HERC1: variants seen among roughly 807,000 people sequenced by gnomAD.
HERC1 encodes probable E3 ubiquitin-protein ligase HERC1.
A neutral mutation model predicts 554.3 loss-of-function variants in HERC1; 160 were observed. The observed-to-expected ratio is 0.29, with a 90% CI of 0.25 to 0.33. HERC1 has a LOEUF of 0.33. Ranked by LOEUF, HERC1 falls within the 10% of genes least tolerant of loss-of-function variation. The probability of loss-of-function intolerance (pLI) is 1.00; values close to 1 mark genes in which losing one functional copy is unlikely to be tolerated. For missense variants in HERC1, 4,919 were observed against 5,918.5 expected (o/e 0.83, Z 5.54); for synonymous variants, 2,175 against 2,131.7 (o/e 1.02, Z -0.56).
intron 3 of HERC1, among the ~76,000 whole-genome samples, chr15:63,759,718 C>T (rs2075545917): frequency 6.6e-6 from 1 of 152,146 alleles, no homozygotes. Context: ...AATTTGTTTT[C>T]TGCCTTTTAG....
intron 3 of HERC1, among the ~76,000 whole-genome samples, chr15:63,763,609 G>C (rs780131457): frequency 6.6e-6 from 1 of 150,880 alleles, no homozygotes; most frequent in South Asian, 2.1e-4. Context: ...CAAGACTATA[G>C]TGTCTAAGGA....
chr15:63,643,463 C>A lies in HERC1; in HGVS notation c.11272G>T (p.Asp3758Tyr), dbSNP rs758410024. 1 of 1,613,276 alleles carries A rather than the reference C, an allele frequency of 6.2e-7. No individual in the cohort carries two copies. Among genetic ancestry groups the A allele is most frequent in the Non-Finnish European group, 8.5e-7 (1 of 1,179,534 alleles). ...CCACCAGACACCAGGGCCAACCCATCAGAACTAAAGGCAACAGTCCGAACA... is the reference window on the plus strand; with the variant it reads ...CCACCAGACACCAGGGCCAACCCATAAGAACTAAAGGCAACAGTCCGAACA... ...TPVRTVAFSS[D>Y]GLALVSGGLG... Residue 3758 changes from aspartate to tyrosine, a missense_variant, in exon 58 of 78, where the codon GAT becomes TAT. Around this residue, in one of 11 missense-constraint regions of HERC1, gnomAD observed 1,963 missense variants for 2,228.6 expected, o/e 0.88. Coordinates refer to ENST00000443617, the MANE Select transcript of HERC1 (RefSeq NM_003922.4).
chr15:63,674,059 C>G (rs2071073868), intron 38 of HERC1, among the ~76,000 whole-genome samples: 1 of 152,014 alleles, frequency 6.6e-6, no homozygotes, highest in Admixed American at 6.6e-5. Context: ...TCAATAAATA[C>G]TTTTTTTGGT....
intron 8 of HERC1, among the ~76,000 whole-genome samples, chr15:63,750,190 A>G (rs1314828649): frequency 2.0e-5 from 3 of 152,238 alleles, no homozygotes; most frequent in Non-Finnish European, 2.9e-5. Flanking sequence ...AGGTATTATC[A>G]TATAAAATGG....
At chr15:63,613,725 T>C (rs1464735280) in intron 76 of HERC1, among the ~76,000 whole-genome samples, 2 of 151,976 alleles carry the variant, frequency 1.3e-5, no homozygotes, top group African/African-American at 2.4e-5. Context: ...TCCCAGCTAC[T>C]TGGAAGGCTA....
intron 36 of HERC1, 97 bp downstream of exon 36, chr15:63,679,980 A>T: frequency 1.3e-6 from 1 of 790,698 alleles, no homozygotes. Context: ...AGTACTTTTA[A>T]TGGCAGAAGA....
rs868493495 is a variant in HERC1, at chr15:63,734,937, G to A, written c.2521-88C>T. ...TTAAAGCGAACTCACTGACTACTAGGATCATGTAAGTCTAAAAAAGATGGC... is the reference window on the plus strand; with the variant it reads ...TTAAAGCGAACTCACTGACTACTAGAATCATGTAAGTCTAAAAAAGATGGC... On this transcript the variant is annotated intron_variant, in intron 12 of 77. Coordinates refer to ENST00000443617, the MANE Select transcript of HERC1 (RefSeq NM_003922.4). This position sits in a 1 kb window ranked among gnomAD's most constrained non-coding sequence, Gnocchi z 4.6. 1.8e-6 allele frequency: 2 copies of A among 1,087,280 alleles called. No individual in the cohort carries two copies. The highest frequency in any genetic ancestry group is 2.6e-6 in the Non-Finnish European group (2 of 761,556). The allele number at this position is 1,087,280 out of a possible 1,614,324, so 67.4% of individuals were successfully genotyped here. A position where few individuals can be genotyped will look rare whatever the true frequency, so the allele number is the denominator to read the frequency against.
intron 1 of HERC1, among the ~76,000 whole-genome samples, chr15:63,801,520 C>T (rs1273605797): frequency 6.6e-6 from 1 of 152,184 alleles, no homozygotes; most frequent in Non-Finnish European, 1.5e-5. Context: ...ACAGCAAAGA[C>T]AATCTTTCAC....
Position 63,616,012 on chromosome 15 carries a change from TCA to T in HERC1, c.13942-94_13942-93del, listed in dbSNP as rs1357117410. The T allele has an allele frequency of 3.8e-5, 41 of 1,081,522 alleles. No homozygotes were observed. In the African/African-American group the frequency reaches 5.4e-4, roughly 14 times the overall value. 67.0% of individuals were successfully genotyped at this position (1,081,522 alleles called of 1,614,324 possible). On this transcript the variant is annotated intron_variant, in intron 75 of 77. Coordinates refer to ENST00000443617, the MANE Select transcript of HERC1 (RefSeq NM_003922.4). ...CAAATACGGCACAGCAATAACAAAC[TCA>T]CAATTTTTAAGGATAAAAACAAGGA...
intron 40 of HERC1, among the ~76,000 whole-genome samples, chr15:63,667,404 C>T (rs559039939): frequency 2.0e-5 from 3 of 151,390 alleles, no homozygotes; most frequent in Admixed American, 6.6e-5. Flanking sequence ...GAAATAAACA[C>T]GGAAGATGAG....
intron 34 of HERC1, among the ~76,000 whole-genome samples, chr15:63,684,972 G>C (rs1007237217): frequency 1.3e-5 from 2 of 152,228 alleles, no homozygotes; most frequent in African/African-American, 4.8e-5. Context: ...TCGCACCACT[G>C]CACTCCAGCC....
At chr15:63,652,609 T>G in intron 51 of HERC1, 68 bp from the exon 52 acceptor site, 2 of 1,285,392 alleles carry the variant, frequency 1.6e-6, no homozygotes, top group Non-Finnish European at 2.1e-6. Flanking sequence ...GAAAAAGTTG[T>G]ATCCAATTTT....
intron 1 of HERC1, among the ~76,000 whole-genome samples, chr15:63,796,474 C>T (rs1489716143): frequency 1.3e-5 from 2 of 152,198 alleles, no homozygotes; most frequent in African/African-American, 4.8e-5. Flanking sequence ...CTTCTAACCT[C>T]CATCATCGAT....
intron 12 of HERC1, among the ~76,000 whole-genome samples, chr15:63,739,341 G>GCA (rs1354109639): frequency 1.3e-5 from 2 of 151,470 alleles, no homozygotes; most frequent in African/African-American, 4.8e-5. Context: ...AGGACTACAA[G>GCA]CACACGCCAC....
At chr15:63,645,229 T>C (rs991204322) in intron 56 of HERC1, 132 bp from the exon 57 acceptor site, 6 of 734,996 alleles carry the variant, frequency 8.2e-6, no homozygotes, top group Non-Finnish European at 1.1e-5. Context: ...GTACATACAA[T>C]CTTTTACAAG....
At chr15:63,706,518 T>C (rs996092128) in intron 25 of HERC1, among the ~76,000 whole-genome samples, 1 of 152,106 alleles carries the variant, frequency 6.6e-6, no homozygotes, top group Non-Finnish European at 1.5e-5. Flanking sequence ...TCAAAATACA[T>C]GACAAATGAG....
At chr15:63,833,737 GCA>G (rs1415485362) in intron 1 of HERC1, 88 bp downstream of exon 1, 1 of 96,946 alleles carries the variant, frequency 1.0e-5, no homozygotes, top group African/African-American at 4.2e-5. Context: ...GGCCGGCAAA[GCA>G]CACACGCGCG....
chr15:63,744,148 GTGTGTGTGTGTGTGTGTC>G (rs2074951288), intron 12 of HERC1, among the ~76,000 whole-genome samples: 2 of 42,484 alleles, frequency 4.7e-5, no homozygotes, highest in Non-Finnish European at 1.5e-4. Context: ...GTGTGTGTGT[GTGTGTGTGTGTGTGTGTC>G]TCTCTCTCTC....
In HERC1 at chr15:63,677,380, A is replaced by G. The variant is rs1274275785; in HGVS notation, c.7070+465T>C. Among the ~76,000 whole-genome samples the G allele has an allele frequency of 6.6e-6, 1 of 152,266 alleles. No individual in the cohort carries two copies. Among genetic ancestry groups the G allele is most frequent in the African/African-American group, 2.4e-5 (1 of 41,476 alleles). On this transcript the variant is annotated intron_variant, in intron 37 of 77. Coordinates refer to ENST00000443617, the MANE Select transcript of HERC1 (RefSeq NM_003922.4). The surrounding 1 kb of genome is among the most constrained non-coding windows in gnomAD (Gnocchi z 4.4). The stretch of plus-strand genomic sequence containing the variant: ...GAAATATGTGGTTTTATAAAAAGGA[A>G]GAATACTTAAAATTACAGATAATGC...
Sources: gnomAD v4.1 joint callset for allele counts (sites outside exome capture counted in the v4.1 genomes callset) on GRCh38, gnomAD v4.1.1 for gene constraint, gnomAD v4.1.1 regional missense constraint, Gnocchi (gnomAD v3.1) non-coding constraint, MANE v1.5 for transcripts, NCBI Gene and HGNC (gene_info 2026-07-23, HGNC 2026-07-21) for gene names.